NUP133: variants seen among roughly 807,000 people sequenced by gnomAD.
NUP133 encodes nuclear pore complex protein Nup133.
Under a neutral mutation model 146.2 loss-of-function variants are expected in NUP133, and 66 were observed. That is an observed-to-expected ratio of 0.45 (90% CI 0.37 to 0.55). NUP133 has a LOEUF of 0.55. NUP133 is among the 20% of genes least tolerant of loss of function. NUP133 has a pLI of 0.00. For synonymous variants in NUP133, 521 were observed against 498.8 expected (o/e 1.04, Z -0.59); for missense variants, 1,277 against 1,374.8 (o/e 0.93, Z 1.12).
intron 6 of NUP133, among the ~76,000 whole-genome samples, 173 bp downstream of exon 6, chr1:229,497,963 A>G (rs148586382): frequency 2.5e-3 from 382 of 152,348 alleles, no homozygotes; most frequent in African/African-American, 8.9e-3. Flanking sequence ...GTTATGGGAG[A>G]AGGTTAGTAT....
intron 9 of NUP133, 96 bp downstream of exon 9, chr1:229,489,857 CAG>C: frequency 8.8e-7 from 1 of 1,136,298 alleles, no homozygotes; most frequent in South Asian, 2.1e-5. Flanking sequence ...GCCTGGGTGA[CAG>C]AGCAAAACTC....
In NUP133 at chr1:229,500,761, T is replaced by G; in HGVS notation, c.508A>C (p.Thr170Pro). The change falls in exon 4 of 26, where the codon ACT becomes CCT. Residue 170 changes from threonine to proline, a missense_variant. By Grantham distance (38) the Thr-to-Pro change is conservative. This residue lies in a region of NUP133 where 319 missense variants were observed against 306.9 expected (regional missense o/e 1.04). Transcript: ENST00000261396. ...YSSPSGEAHS[T>P]QAVAVMVATR... is the part of the protein sequence containing the mutation. ...TAAGCTTTTAAGTCACCTACCTGAG[T>G]AGAATGTGCTTCACCTGAGGGAGAA... The G allele has an allele frequency of 6.2e-7, 1 of 1,603,596 alleles. No individual in the cohort carries two copies. The highest frequency in any genetic ancestry group is 8.5e-7 in the Non-Finnish European group (1 of 1,171,740).
intron 11 of NUP133, among the ~76,000 whole-genome samples, chr1:229,485,492 A>C (rs2102773816): frequency 6.6e-6 from 1 of 152,338 alleles, no homozygotes; most frequent in Non-Finnish European, 1.5e-5. Context: ...ACACTCCAAG[A>C]GTCACACAAA....
Position 229,495,520 on chromosome 1 carries a change from G to A in NUP133, c.1021C>T (p.Arg341Ter). 3 of 1,611,436 alleles carry A rather than the reference G, an allele frequency of 1.9e-6. No individual in the cohort carries two copies. Among genetic ancestry groups the A allele is most frequent in the Non-Finnish European group, 1.7e-6 (2 of 1,178,332 alleles). The part of the protein sequence containing the change: ...YEAIKEGVNI[R>*]YLDLKQNCDG... ...CAGTTTTGCTTCAAGTCCAAATATCGAATGTTGACTCCTTCTTTAATAGCT... is the reference window on the plus strand; with the variant it reads ...CAGTTTTGCTTCAAGTCCAAATATCAAATGTTGACTCCTTCTTTAATAGCT... Residue 341 changes from arginine (R) to a stop codon, truncating the protein, a stop_gained, in exon 8 of 26, where the codon CGA becomes TGA. Transcript: ENST00000261396. LOFTEE classifies it high-confidence loss of function.
Position 229,441,824 on chromosome 1 carries a change from T to A in NUP133, c.*80A>T, listed in dbSNP as rs1660189517. On this transcript the variant is annotated 3_prime_UTR_variant, in exon 26 of 26. Coordinates refer to ENST00000261396, the MANE Select transcript of NUP133 (RefSeq NM_018230.3). ...ATACATGTTATGAAATTGTACAAAC[T>A]TACACTTGTTTATGGCCTAAAATTT... The A allele has an allele frequency of 8.5e-7, 1 of 1,172,262 alleles. No individual in the cohort carries two copies. The highest frequency in any genetic ancestry group is 1.2e-6 in the Non-Finnish European group (1 of 842,288). 72.6% of individuals were successfully genotyped at this position (1,172,262 alleles called of 1,614,324 possible).
At chr1:229,492,491 C>A (rs916355028) in intron 8 of NUP133, among the ~76,000 whole-genome samples, 5 of 152,070 alleles carry the variant, frequency 3.3e-5, no homozygotes, top group Non-Finnish European at 5.9e-5. Flanking sequence ...AATAAGAAAC[C>A]AAGCATGTAA....
intron 16 of NUP133, among the ~76,000 whole-genome samples, chr1:229,466,109 A>G (rs1034008439): frequency 3.9e-5 from 6 of 152,202 alleles, no homozygotes; most frequent in East Asian, 3.8e-4. Flanking sequence ...TTTAGTCAAT[A>G]GTAAAAGTAG....
chr1:229,469,327 C>T (rs1039099789), intron 15 of NUP133, among the ~76,000 whole-genome samples: 7 of 152,198 alleles, frequency 4.6e-5, no homozygotes, highest in East Asian at 3.8e-4. Flanking sequence ...ACGAGGACTG[C>T]GTCACTATTT....
intron 19 of NUP133, among the ~76,000 whole-genome samples, chr1:229,461,581 A>G (rs1471050170): frequency 6.6e-6 from 1 of 152,202 alleles, no homozygotes; most frequent in Non-Finnish European, 1.5e-5. Context: ...ATCAATTTCC[A>G]TACTATGGAG....
intron 1 of NUP133, among the ~76,000 whole-genome samples, chr1:229,507,422 G>A (rs555015648): frequency 1.3e-5 from 2 of 152,296 alleles, no homozygotes; most frequent in South Asian, 4.1e-4. Flanking sequence ...TGAACATGGT[G>A]TGTGTTGGGG....
intron 23 of NUP133, 42 bp downstream of exon 23, chr1:229,450,483 T>C (rs369777189): frequency 1.5e-5 from 15 of 996,772 alleles, no homozygotes; most frequent in Admixed American, 2.4e-5. Context: ...TTTTTATATA[T>C]GTATTCAGTT....
At chr1:229,506,883 G>A (rs896503746) in intron 1 of NUP133, among the ~76,000 whole-genome samples, 4 of 149,498 alleles carry the variant, frequency 2.7e-5, no homozygotes, top group African/African-American at 9.9e-5. Context: ...AACAGGTTAC[G>A]AGCATCAGCT....
Position 229,493,172 on chromosome 1 carries a change from T to C in NUP133, c.1046+2323A>G, listed in dbSNP as rs374890428. On this transcript the variant is annotated intron_variant, in intron 8 of 25. Coordinates refer to ENST00000261396, the MANE Select transcript of NUP133 (RefSeq NM_018230.3). ...AGTAATCATCTAGTAAAATAATTTA[T>C]TTATTTTTGTTTTATTGGTCTTAGA... 5.3e-5 allele frequency among the ~76,000 whole-genome samples: 8 copies of C among 152,280 alleles called. No individual in the cohort carries two copies. The East Asian group carries it at 5.8e-4, about 11-fold the overall frequency.
rs1661641830 is a variant in NUP133 at position 229,495,820 on chromosome 1, A to G, written c.975+72T>C. On this transcript the variant is annotated intron_variant, in intron 7 of 25. Coordinates refer to ENST00000261396, the MANE Select transcript of NUP133 (RefSeq NM_018230.3). Reference sequence around the variant, plus strand: ...ACTGAAATGTGTTGAAATAAATAAAACAATTAAGGGAACCAGCATTATCAT... The same window carrying G: ...ACTGAAATGTGTTGAAATAAATAAAGCAATTAAGGGAACCAGCATTATCAT... The G allele has an allele frequency of 2.3e-6, 3 of 1,294,496 alleles. No individual in the cohort carries two copies. In the Admixed American group the frequency reaches 7.3e-5, roughly 31 times the overall value. 80.2% of individuals were successfully genotyped at this position (1,294,496 alleles called of 1,614,324 possible). A position where few individuals can be genotyped will look rare whatever the true frequency, so the allele number is the denominator to read the frequency against.
rs1660313532 is a variant in NUP133, at chr1:229,446,853, A to C, written c.3246-1851T>G. 2.0e-5 allele frequency among the ~76,000 whole-genome samples: 3 copies of C among 152,160 alleles called. No individual in the cohort carries two copies. In the South Asian group the frequency reaches 6.2e-4, roughly 32 times the overall value. On this transcript the variant is annotated intron_variant, in intron 24 of 25. Transcript: ENST00000261396. Reference sequence around the variant, plus strand: ...GCAAAAATAAGGGATGTGGCCGGGCATGGTGGCTCACGTCTGTAATCCTAG... The same window carrying C: ...GCAAAAATAAGGGATGTGGCCGGGCCTGGTGGCTCACGTCTGTAATCCTAG...
intron 22 of NUP133, 51 bp from the exon 23 acceptor site, chr1:229,450,656 C>T (rs1329605841): frequency 2.3e-6 from 2 of 870,528 alleles, no homozygotes. Context: ...GTAACTAATA[C>T]TAGAGACATT....
In NUP133 at chr1:229,444,067, T is replaced by G. The variant is rs557335093; in HGVS notation, c.3334+847A>C. On this transcript the variant is annotated intron_variant, in intron 25 of 25. Coordinates refer to ENST00000261396, the MANE Select transcript of NUP133 (RefSeq NM_018230.3). ...AAAAGTTTCAGCTGGGCGTGGTGGC[T>G]CATGCCTGTAATCCCAGCAATTTGG... Among the ~76,000 whole-genome samples, 116 of 152,200 alleles carry G rather than the reference T, an allele frequency of 7.6e-4. 1 individual carries two copies. The highest frequency in any genetic ancestry group is 2.7e-3 in the African/African-American group (111 of 41,520).
chr1:229,472,052 GC>G (rs1660968136), intron 14 of NUP133, among the ~76,000 whole-genome samples: 1 of 152,148 alleles, frequency 6.6e-6, no homozygotes, highest in Non-Finnish European at 1.5e-5. Context: ...AGGCGTGATG[GC>G]TCATGCCTGT....
intron 12 of NUP133, among the ~76,000 whole-genome samples, chr1:229,480,638 C>T (rs866223572): frequency 2.6e-5 from 4 of 152,118 alleles, no homozygotes; most frequent in African/African-American, 4.8e-5. Flanking sequence ...CAATGTCTGA[C>T]GATAACTTTG....
Sources: allele counts gnomAD v4.1 joint callset (sites outside exome capture counted in the v4.1 genomes callset), GRCh38; gene constraint gnomAD v4.1.1; regional missense constraint gnomAD v4.1.1; transcripts MANE v1.5; gene names NCBI Gene and HGNC (gene_info 2026-07-23, HGNC 2026-07-21).